Variants in FAM149B1 observed in about 807,000 individuals in gnomAD.
FAM149B1 encodes the protein family with sequence similarity 149 member B1.
A neutral mutation model predicts 75.3 loss-of-function variants in FAM149B1; 56 were observed. The observed-to-expected ratio is 0.74, with a 90% CI of 0.60 to 0.93. The LOEUF (loss-of-function observed/expected upper bound fraction) is 0.93. Among genes scored for constraint, FAM149B1 ranks in the 40% least tolerant of loss-of-function variants. The pLI is 0.00. For missense variants in FAM149B1, 639 were observed against 708.4 expected, an observed-to-expected ratio of 0.90 and a Z score of 1.11; for synonymous variants, 259 against 256.1, an observed-to-expected ratio of 1.01 and a Z score of -0.11.
chr10:73,205,353 GTCTT>G (rs1381728928), intron 5 of FAM149B1, among the ~76,000 whole-genome samples: 1 of 151,590 alleles, frequency 6.6e-6, no homozygotes, highest in Non-Finnish European at 1.5e-5. Context: ...CACACACTCT[GTCTT>G]TCTTCTGCTC....
chr10:73,215,989 G>C (rs1167304853), intron 7 of FAM149B1, among the ~76,000 whole-genome samples: 1 of 152,210 alleles, frequency 6.6e-6, no homozygotes, highest in Non-Finnish European at 1.5e-5. Flanking sequence ...GTCTAGTGCT[G>C]TGAATGGGGT....
rs146762667 is a variant in FAM149B1, at chr10:73,176,336, C to T, written c.153-1510C>T. Among the ~76,000 whole-genome samples, 4 of 152,276 alleles carry T rather than the reference C, an allele frequency of 2.6e-5. No individual in the cohort carries two copies. In the East Asian group the frequency reaches 7.7e-4, roughly 29 times the overall value. Reference sequence around the variant, plus strand: ...GCACTCACCTGCCACTTACCTCCTGCTCTGCAGCCCAGTTCCTAACAGGCC... The same window carrying T: ...GCACTCACCTGCCACTTACCTCCTGTTCTGCAGCCCAGTTCCTAACAGGCC... On this transcript the variant is annotated intron_variant, in intron 2 of 13. Transcript: ENST00000242505.
intron 3 of FAM149B1, among the ~76,000 whole-genome samples, chr10:73,181,006 G>C (rs1216615238): frequency 6.8e-6 from 1 of 146,530 alleles, no homozygotes; most frequent in East Asian, 2.0e-4. Flanking sequence ...TGCTTTTCTA[G>C]TTCTTTTTTT....
At chr10:73,214,347 A>G (rs2043250644) in intron 7 of FAM149B1, among the ~76,000 whole-genome samples, 1 of 152,200 alleles carries the variant, frequency 6.6e-6, no homozygotes, top group Admixed American at 6.5e-5. Context: ...CTTGTTGAAT[A>G]AGAGTGGTGA....
chr10:73,208,928 C>A, intron 6 of FAM149B1, 142 bp downstream of exon 6: 1 of 524,920 alleles, frequency 1.9e-6, no homozygotes, highest in Non-Finnish European at 3.0e-6. Flanking sequence ...CTCAGGTATC[C>A]AGAATTTATG....
intron 8 of FAM149B1, among the ~76,000 whole-genome samples, chr10:73,228,873 G>C (rs1030525816): frequency 2.6e-5 from 4 of 152,024 alleles, no homozygotes; most frequent in African/African-American, 9.7e-5. Context: ...TGGAATTACA[G>C]GCATGAGCCA....
At chr10:73,180,371 C>G (rs2042368695) in intron 3 of FAM149B1, among the ~76,000 whole-genome samples, 1 of 152,166 alleles carries the variant, frequency 6.6e-6, no homozygotes, top group Non-Finnish European at 1.5e-5. Context: ...GAGAAAAGCA[C>G]AAATGAGATT....
chr10:73,193,688 CTTA>C (rs2042731425), intron 5 of FAM149B1, 95 bp downstream of exon 5: 4 of 1,223,128 alleles, frequency 3.3e-6, no homozygotes, highest in Non-Finnish European at 4.5e-6. Flanking sequence ...CTTCTTCCTA[CTTA>C]TTAGTATTTA....
intron 7 of FAM149B1, among the ~76,000 whole-genome samples, chr10:73,216,139 CATT>C (rs1793205076): frequency 6.6e-6 from 1 of 152,250 alleles, no homozygotes; most frequent in Admixed American, 6.5e-5. Flanking sequence ...ATCCCTTTGT[CATT>C]ATATAATGAC....
chr10:73,170,014 TTAAC>T (rs968839129), intron 1 of FAM149B1, among the ~76,000 whole-genome samples: 13 of 133,694 alleles, frequency 9.7e-5, no homozygotes, highest in Non-Finnish European at 2.0e-4. Flanking sequence ...CATAAATATA[TTAAC>T]TATTAATATT....
At chr10:73,171,536 T>C (rs1013675918) in intron 1 of FAM149B1, among the ~76,000 whole-genome samples, 11 of 152,120 alleles carry the variant, frequency 7.2e-5, no homozygotes, top group Admixed American at 1.3e-4. Flanking sequence ...CATAAACATA[T>C]AGAGAATAGT....
chr10:73,231,409 T>G (rs910301881), intron 9 of FAM149B1: 11 of 152,184 alleles, frequency 7.2e-5, no homozygotes, highest in African/African-American at 2.7e-4. Flanking sequence ...TGCCATACGA[T>G]TTCCCAAAGG....
intron 13 of FAM149B1, 51 bp from the exon 14 acceptor site, chr10:73,240,895 T>C (rs2043934820): frequency 1.2e-5 from 13 of 1,080,118 alleles, no homozygotes; most frequent in Non-Finnish European, 1.7e-5. Context: ...AACTTGAGAG[T>C]GATTATCAAA....
At chr10:73,214,233 C>T (rs1447859605) in intron 7 of FAM149B1, among the ~76,000 whole-genome samples, 3 of 152,140 alleles carry the variant, frequency 2.0e-5, no homozygotes, top group Non-Finnish European at 4.4e-5. Context: ...TTCAGGTTTT[C>T]CAGATATAAG....
In FAM149B1 at chr10:73,208,698, T is replaced by C. The variant is rs1488610789; in HGVS notation, c.622T>C (p.Phe208Leu). Reference sequence around the variant, plus strand: ...ATCTTCCATTGCCAAATCCTCCAGCTTTTGTTCTATGGAAAGAGATGAGGA... The same window carrying C: ...ATCTTCCATTGCCAAATCCTCCAGCCTTTGTTCTATGGAAAGAGATGAGGA... ...KASSIAKSSS[F>L]CSMERDEEDS... The change falls in exon 6 of 14, where the codon TTT (phenylalanine) becomes CTT (leucine). Residue 208 changes from phenylalanine (F) to leucine (L), a missense_variant. Transcript: ENST00000242505. 3 of 1,549,276 alleles carry C rather than the reference T, an allele frequency of 1.9e-6. No homozygotes were observed. Among genetic ancestry groups the C allele is most frequent in the Non-Finnish European group, 2.6e-6 (3 of 1,145,558 alleles).
intron 3 of FAM149B1, among the ~76,000 whole-genome samples, chr10:73,183,992 A>C (rs1215047163): frequency 6.6e-6 from 1 of 152,212 alleles, no homozygotes; most frequent in Non-Finnish European, 1.5e-5. Context: ...TGGATTGGCA[A>C]ACTATCCAGG....
intron 5 of FAM149B1, among the ~76,000 whole-genome samples, chr10:73,198,699 G>A (rs925547344): frequency 6.6e-6 from 1 of 152,178 alleles, no homozygotes; most frequent in African/African-American, 2.4e-5. Context: ...CAGCTACTCA[G>A]GAGGCTGAGG....
chr10:73,209,899 A>AT (rs3841206), intron 6 of FAM149B1, among the ~76,000 whole-genome samples: 1 of 150,714 alleles, frequency 6.6e-6, no homozygotes, highest in East Asian at 2.0e-4. Context: ...TTCCCATTGC[A>AT]TTTTTTTCCC....
chr10:73,175,130 G>C (rs1025631681), intron 2 of FAM149B1, among the ~76,000 whole-genome samples: 3 of 152,138 alleles, frequency 2.0e-5, no homozygotes, highest in Admixed American at 6.6e-5. Context: ...AGGCCAAAAG[G>C]TGGGAGGATC....
Sources: gnomAD v4.1 joint callset for allele counts (sites outside exome capture counted in the v4.1 genomes callset) on GRCh38, gnomAD v4.1.1 for gene constraint, MANE v1.5 for transcripts, NCBI Gene and HGNC (gene_info 2026-07-23, HGNC 2026-07-21) for gene names.